DAB1: variants seen among roughly 807,000 people sequenced by gnomAD.
The protein encoded by DAB1 is disabled homolog 1.
Under a neutral mutation model 64.6 loss-of-function variants are expected in DAB1, and 15 were observed. The ratio of observed to expected loss-of-function variants is 0.23; its 90% CI spans 0.16 to 0.36. The LOEUF (loss-of-function observed/expected upper bound fraction) is 0.36, where lower values mean the gene tolerates loss of function less well. Ranked by LOEUF, DAB1 falls within the 10% of genes least tolerant of loss-of-function variation. The probability of loss-of-function intolerance (pLI) is 1.00; values close to 1 mark genes in which losing one functional copy is unlikely to be tolerated. For synonymous variants in DAB1, 235 were observed against 251.9 expected (o/e 0.93, Z 0.64); for missense variants, 596 against 706.7 (o/e 0.84, Z 1.78).
rs776840143 is a variant in DAB1 at position 57,072,268 on chromosome 1, G to C, written c.438+15C>G. 6.2e-7 allele frequency: 1 copy of C among 1,612,616 alleles called. No homozygotes were observed. Among genetic ancestry groups the C allele is most frequent in the Non-Finnish European group, 8.5e-7 (1 of 1,179,066 alleles). The stretch of plus-strand genomic sequence containing the variant: ...GTTCCAAGGAAAGACTCCCTTCTTG[G>C]ATAGGGATACTCACCGCCTGGGCTG... On this transcript the variant is annotated intron_variant, in intron 5 of 14. Coordinates refer to ENST00000371236, the MANE Select transcript of DAB1 (RefSeq NM_001365792.1).
At chr1:57,827,298 T>C (rs1652393839) in intron 1 of DAB1, among the ~76,000 whole-genome samples, 1 of 152,212 alleles carries the variant, frequency 6.6e-6, no homozygotes, top group African/African-American at 2.4e-5. Context: ...GAAAATCAAC[T>C]AGGACCCATT....
rs1252374793 is a variant in DAB1, at chr1:58,286,340, C to T, written n.309+57012G>A. ...GGGATCTAATTAAACTAAAGAGCTT[C>T]TGCACAGCAAAAGAAACTATCATCA... is the stretch of plus-strand genomic sequence containing the variant. On this transcript the variant is annotated intron_variant and non_coding_transcript_variant, in intron 4 of 20. Transcript: ENST00000485760. Among the ~76,000 whole-genome samples the T allele has an allele frequency of 3.2e-4, 49 of 152,132 alleles. 1 individual carries two copies. The highest frequency in any genetic ancestry group is 3.2e-3 in the Admixed American group (49 of 15,274).
intron 6 of DAB1, among the ~76,000 whole-genome samples, chr1:57,689,501 G>A (rs1395736288): frequency 6.6e-6 from 1 of 152,188 alleles, no homozygotes; most frequent in Non-Finnish European, 1.5e-5. Flanking sequence ...CCCTCTCCGA[G>A]TGATACAAGG....
intron 1 of DAB1, among the ~76,000 whole-genome samples, chr1:57,829,054 A>C (rs1652475243): frequency 6.6e-6 from 1 of 152,174 alleles, no homozygotes; most frequent in African/African-American, 2.4e-5. Flanking sequence ...CTTTTAGATA[A>C]TTCAATAAAT....
chr1:57,059,979 T>C (rs1174629229), intron 9 of DAB1, among the ~76,000 whole-genome samples: 1 of 152,160 alleles, frequency 6.6e-6, no homozygotes, highest in Non-Finnish European at 1.5e-5. Context: ...AGCCACTGCA[T>C]GCCATTCAGG....
upstream of DAB1, among the ~76,000 whole-genome samples, chr1:57,886,632 C>A (rs945761414): frequency 2.0e-5 from 3 of 152,164 alleles, no homozygotes; most frequent in Non-Finnish European, 4.4e-5. Context: ...CTTAGTGTCA[C>A]GAATGGCAGT....
chr1:57,521,386 G>C (rs1644524548), intron 7 of DAB1, among the ~76,000 whole-genome samples: 1 of 152,160 alleles, frequency 6.6e-6, no homozygotes, highest in Non-Finnish European at 1.5e-5. Context: ...CACCAGTCTC[G>C]TATATGCAGG....
chr1:58,081,264 TG>T (rs1231399177), intron 5 of DAB1, among the ~76,000 whole-genome samples: 1 of 152,252 alleles, frequency 6.6e-6, no homozygotes, highest in African/African-American at 2.4e-5. Context: ...ATAATGCCCA[TG>T]TCAGTCAAGG....
At position 57,437,832 on chromosome 1, in the gene DAB1, A is replaced by G. The variant is rs11207034; in HGVS notation, n.626-146666T>C. ...TCCATGCCCCCAGTATGTTTTTAAC[A>G]ATCAAGGAGTTCCTAACCAAACAGG... On this transcript the variant is annotated intron_variant and non_coding_transcript_variant, in intron 7 of 20. Coordinates refer to the DAB1 transcript ENST00000485760. Among the ~76,000 whole-genome samples, 1,470 of 152,318 alleles carry G rather than the reference A, an allele frequency of 9.7e-3. 30 individuals carry two copies. Among genetic ancestry groups the G allele is most frequent in the African/African-American group, 0.033 (1,366 of 41,570 alleles).
intron 11 of DAB1, among the ~76,000 whole-genome samples, chr1:57,022,100 C>G (rs1027177982): frequency 3.9e-5 from 6 of 152,180 alleles, no homozygotes; most frequent in African/African-American, 1.4e-4. Context: ...TGTGGACTAG[C>G]ACATCCCAAG....
intron 3 of DAB1, among the ~76,000 whole-genome samples, chr1:58,371,278 C>T (rs1487719054): frequency 2.6e-5 from 4 of 152,120 alleles, no homozygotes; most frequent in East Asian, 3.9e-4. Flanking sequence ...CAGCAGTTTG[C>T]CCCTGCCCTA....
At chr1:58,007,006 A>G (rs1054160496) in intron 5 of DAB1, among the ~76,000 whole-genome samples, 8 of 152,188 alleles carry the variant, frequency 5.3e-5, no homozygotes, top group Non-Finnish European at 1.0e-4. Context: ...CTCATTCTAC[A>G]TCTCAGTGAG....
Position 58,445,435 on chromosome 1 carries a change from G to A in DAB1, n.257+60625C>T, listed in dbSNP as rs1197309865. 5.9e-5 allele frequency among the ~76,000 whole-genome samples: 9 copies of A among 152,304 alleles called. No individual in the cohort carries two copies. In the East Asian group the frequency reaches 1.5e-3, roughly 26 times the overall value. On this transcript the variant is annotated intron_variant and non_coding_transcript_variant, in intron 3 of 20. Coordinates refer to the DAB1 transcript ENST00000485760. ...CTGCTCTTTGGTTCTGCAGAGGCCA[G>A]GCACTGCCCTCTGTCCCCACCCTGC...
rs575000100 is a variant in DAB1, at chr1:58,438,051, G to C, written n.257+68009C>G. ...CAAGCAAACCTCAGAGATGAGGAGA[G>C]AGAAAGAATCTGACTGTGTGGAGAC... On this transcript the variant is annotated intron_variant and non_coding_transcript_variant, in intron 3 of 20. Coordinates refer to the DAB1 transcript ENST00000485760. 2.6e-5 allele frequency among the ~76,000 whole-genome samples: 4 copies of C among 152,284 alleles called. No individual in the cohort carries two copies. In the South Asian group the frequency reaches 8.3e-4, roughly 32 times the overall value.
intron 3 of DAB1, chr1:58,481,242 A>C (rs1645477249): frequency 1.8e-6 from 1 of 542,426 alleles, no homozygotes; most frequent in Admixed American, 3.6e-5. Flanking sequence ...TGTTTCAGTA[A>C]TCCCTAATAT....
intron 7 of DAB1, chr1:57,605,962 A>C (rs541254405): frequency 1.2e-5 from 8 of 685,740 alleles, no homozygotes; most frequent in South Asian, 8.1e-5. Flanking sequence ...GTGGATTCTC[A>C]TCTGGAAACG....
intron 2 of DAB1, among the ~76,000 whole-genome samples, chr1:57,237,938 A>G (rs1307231724): frequency 6.6e-6 from 1 of 152,134 alleles, no homozygotes; most frequent in Admixed American, 6.5e-5. Flanking sequence ...AGAACGAGAA[A>G]AGACAAATTG....
intron 1 of DAB1, among the ~76,000 whole-genome samples, chr1:57,359,949 G>T (rs1298584144): frequency 2.0e-5 from 3 of 152,004 alleles, no homozygotes; most frequent in African/African-American, 7.2e-5. Flanking sequence ...GGGAGTGGGG[G>T]AAGGATGGGG....
chr1:58,489,250 T>C (rs1302497586), intron 3 of DAB1, among the ~76,000 whole-genome samples: 2 of 152,178 alleles, frequency 1.3e-5, no homozygotes, highest in Admixed American at 1.3e-4. Flanking sequence ...ACCCTAATAC[T>C]GCAATTTTCC....
Sources: allele counts gnomAD v4.1 joint callset (sites outside exome capture counted in the v4.1 genomes callset), GRCh38; gene constraint gnomAD v4.1.1; transcripts MANE v1.5; gene names NCBI Gene and HGNC (gene_info 2026-07-23, HGNC 2026-07-21).